NEK11: variants seen among roughly 807,000 people sequenced by gnomAD.
NEK11 encodes the protein serine/threonine-protein kinase Nek11.
In NEK11, 72 loss-of-function variants were observed where a neutral mutation model predicts 80.7. That is an observed-to-expected ratio of 0.89 (90% CI 0.74 to 1.08). The LOEUF is 1.08. NEK11 is among the 50% of genes least tolerant of loss of function. The pLI is 0.00. For missense variants in NEK11, 764 were observed against 763.6 expected, an observed-to-expected ratio of 1.00 and a Z score of -0.01; for synonymous variants, 251 against 260.7, an observed-to-expected ratio of 0.96 and a Z score of 0.36.
At chr3:131,174,722 G>A (rs149195092) in intron 14 of NEK11, 23 of 1,584,214 alleles carry the variant, frequency 1.5e-5, no homozygotes, top group Non-Finnish European at 1.8e-5. Context: ...TTTTTGCCAG[G>A]AACTTCTTTG....
At chr3:131,320,349 A>C (rs914703908) in intron 17 of NEK11, among the ~76,000 whole-genome samples, 8 of 152,168 alleles carry the variant, frequency 5.3e-5, no homozygotes, top group African/African-American at 1.9e-4. Flanking sequence ...AAATGTGGAC[A>C]AGGAGATCCA....
At chr3:131,204,987 A>G (rs1156633064) in intron 14 of NEK11, among the ~76,000 whole-genome samples, 1 of 152,110 alleles carries the variant, frequency 6.6e-6, no homozygotes, top group Non-Finnish European at 1.5e-5. Flanking sequence ...TTATAGTTCA[A>G]TAGACACCAT....
intron 17 of NEK11, among the ~76,000 whole-genome samples, chr3:131,341,345 TTTA>T (rs1381223770): frequency 6.6e-6 from 1 of 152,238 alleles, no homozygotes; most frequent in African/African-American, 2.4e-5. Flanking sequence ...ATGTTTAATC[TTTA>T]TTTTTATTAC....
chr3:131,199,095 C>T (rs906443998), intron 14 of NEK11, among the ~76,000 whole-genome samples: 1 of 151,850 alleles, frequency 6.6e-6, no homozygotes, highest in Admixed American at 6.6e-5. Flanking sequence ...CCACAGGTAA[C>T]GAGGAAATTT....
intron 5 of NEK11, among the ~76,000 whole-genome samples, chr3:131,121,500 C>A (rs1344937317): frequency 6.6e-6 from 1 of 152,110 alleles, no homozygotes; most frequent in East Asian, 1.9e-4. Flanking sequence ...AGAACCACTG[C>A]TCTCTTTAAA....
chr3:131,257,335 C>T (rs2095835319), intron 16 of NEK11, among the ~76,000 whole-genome samples: 1 of 151,994 alleles, frequency 6.6e-6, no homozygotes, highest in Admixed American at 6.6e-5. Flanking sequence ...TATTTCTACA[C>T]CCTAATTACA....
intron 11 of NEK11, among the ~76,000 whole-genome samples, chr3:131,164,542 ATC>A (rs1266033767): frequency 6.6e-6 from 1 of 152,216 alleles, no homozygotes; most frequent in African/African-American, 2.4e-5. Flanking sequence ...GGAAAATTAA[ATC>A]TCTGATAGGA....
chr3:131,056,076 G>A (rs2069420661), intron 3 of NEK11, among the ~76,000 whole-genome samples: 1 of 152,190 alleles, frequency 6.6e-6, no homozygotes, highest in Non-Finnish European at 1.5e-5. Context: ...GCATGAATGA[G>A]GGTGGGGAGA....
chr3:131,337,654 TAAAAATAAAA>T (rs956891009), intron 17 of NEK11, among the ~76,000 whole-genome samples: 6 of 151,432 alleles, frequency 4.0e-5, no homozygotes, highest in African/African-American at 7.3e-5. Context: ...TAAAAATAAA[TAAAAATAAAA>T]ATCAGCTTAG....
chr3:131,147,946 A>G (rs1351999403), intron 7 of NEK11, among the ~76,000 whole-genome samples: 1 of 151,932 alleles, frequency 6.6e-6, no homozygotes, highest in East Asian at 1.9e-4. Flanking sequence ...CTCAGAAGAA[A>G]ATAATAAACT....
At chr3:131,280,263 G>GA in intron 17 of NEK11, among the ~76,000 whole-genome samples, 1 of 152,178 alleles carries the variant, frequency 6.6e-6, no homozygotes, top group Admixed American at 6.5e-5. Context: ...GTGAGCACAG[G>GA]AAAAAAATAA....
chr3:131,087,274 C>T (rs914612719), intron 4 of NEK11, among the ~76,000 whole-genome samples: 5 of 139,514 alleles, frequency 3.6e-5, no homozygotes, highest in African/African-American at 1.3e-4. Flanking sequence ...AGAGTCTCAC[C>T]TCATTGCCAG....
intron 2 of NEK11, among the ~76,000 whole-genome samples, chr3:131,028,894 C>T (rs1224477451): frequency 6.6e-6 from 1 of 152,200 alleles, no homozygotes; most frequent in African/African-American, 2.4e-5. Context: ...TCTCATAGCT[C>T]CCTGAGGAAT....
chr3:131,162,577 C>G, intron 11 of NEK11, 50 bp downstream of exon 11: 1 of 1,598,976 alleles, frequency 6.3e-7, no homozygotes, highest in East Asian at 2.2e-5. Context: ...CTTCTCAGGG[C>G]TCTCAGGGAA....
At chr3:131,147,676 C>A (rs1309508225) in intron 7 of NEK11, among the ~76,000 whole-genome samples, 2 of 151,920 alleles carry the variant, frequency 1.3e-5, no homozygotes, top group Admixed American at 1.3e-4. Context: ...TGTTTTTGTG[C>A]AAGTTTATAG....
intron 5 of NEK11, among the ~76,000 whole-genome samples, chr3:131,113,873 C>T (rs1446412568): frequency 7.0e-6 from 1 of 142,620 alleles, no homozygotes; most frequent in African/African-American, 2.6e-5. Context: ...ATTGCACCAT[C>T]GTATTCTAGC....
rs186883061 is a variant in NEK11, at chr3:131,284,993, C to T, written c.1718+11419C>T. Among the ~76,000 whole-genome samples the T allele has an allele frequency of 1.2e-3, 181 of 152,316 alleles. 1 individual carries two copies. The highest frequency in any genetic ancestry group is 4.1e-3 in the African/African-American group (170 of 41,572). On this transcript the variant is annotated intron_variant, in intron 17 of 17. Coordinates refer to ENST00000383366, the MANE Select transcript of NEK11 (RefSeq NM_024800.5). ...ACTCCCTTTCATATATACATCTATC[C>T]TATTAGTTCTGTCCCTCTAGAGAAC... is the stretch of plus-strand genomic sequence containing the variant.
At chr3:131,308,640 C>T (rs1444867161) in intron 17 of NEK11, among the ~76,000 whole-genome samples, 2 of 152,206 alleles carry the variant, frequency 1.3e-5, no homozygotes, top group Admixed American at 6.5e-5. Flanking sequence ...CCATTCTACT[C>T]TGAACTAGGA....
At chr3:131,139,608 T>C (rs2086426303) in intron 7 of NEK11, among the ~76,000 whole-genome samples, 1 of 152,220 alleles carries the variant, frequency 6.6e-6, no homozygotes, top group Admixed American at 6.5e-5. Flanking sequence ...ACTCCTGTTT[T>C]GTTAATTCTG....
Sources: allele counts gnomAD v4.1 joint callset (sites outside exome capture counted in the v4.1 genomes callset), GRCh38; gene constraint gnomAD v4.1.1; transcripts MANE v1.5; gene names NCBI Gene and HGNC (gene_info 2026-07-23, HGNC 2026-07-21).